The following LRRC4C variants were observed in gnomAD, a reference collection of about 807,000 sequenced individuals.
LRRC4C encodes leucine-rich repeat-containing protein 4C.
LRRC4C carries 5 observed loss-of-function variants against 33.6 expected under a neutral mutation model. The observed-to-expected ratio is 0.15, with a 90% CI of 0.08 to 0.31. The LOEUF is 0.31. Among genes scored for constraint, LRRC4C ranks in the 10% least tolerant of loss-of-function variants. The pLI is 1.00. For synonymous variants in LRRC4C, 329 were observed against 302.0 expected, an observed-to-expected ratio of 1.09 and a Z score of -0.93; for missense variants, 560 against 796.7, an observed-to-expected ratio of 0.70 and a Z score of 3.58.
chr11:40,723,915 A>T (rs561512084), intron 2 of LRRC4C, among the ~76,000 whole-genome samples: 1 of 152,300 alleles, frequency 6.6e-6, no homozygotes, highest in Non-Finnish European at 1.5e-5. Flanking sequence ...ATGGAGAAAT[A>T]TCTACAATGC....
intron 2 of LRRC4C, among the ~76,000 whole-genome samples, chr11:40,748,405 C>T (rs1368716648): frequency 6.6e-6 from 1 of 151,952 alleles, no homozygotes; most frequent in East Asian, 1.9e-4. Context: ...AAGAAAGGCT[C>T]AAGGGAGTAA....
intron 3 of LRRC4C, among the ~76,000 whole-genome samples, chr11:40,609,085 C>T (rs558583270): frequency 6.6e-5 from 10 of 152,136 alleles, no homozygotes; most frequent in African/African-American, 2.4e-4. Context: ...TAGACATATA[C>T]AAAACATTCC....
intron 1 of LRRC4C, among the ~76,000 whole-genome samples, chr11:41,363,576 T>C (rs1288458796): frequency 6.6e-6 from 1 of 152,208 alleles, no homozygotes; most frequent in African/African-American, 2.4e-5. Context: ...GATTTACTGT[T>C]ATAGGAATTT....
intron 2 of LRRC4C, among the ~76,000 whole-genome samples, chr11:40,670,544 C>A (rs1160455018): frequency 1.3e-5 from 2 of 152,072 alleles, no homozygotes; most frequent in African/African-American, 4.8e-5. Flanking sequence ...TTCCCATTTC[C>A]TGAAGGATAA....
intron 1 of LRRC4C, among the ~76,000 whole-genome samples, chr11:41,360,147 C>A (rs1229500080): frequency 6.6e-6 from 1 of 152,146 alleles, no homozygotes; most frequent in Non-Finnish European, 1.5e-5. Context: ...CGCGCCACTG[C>A]ACTCCAGCCT....
chr11:41,267,272 C>A (rs563808161), intron 1 of LRRC4C, among the ~76,000 whole-genome samples: 1 of 152,202 alleles, frequency 6.6e-6, no homozygotes, highest in African/African-American at 2.4e-5. Flanking sequence ...AGCTACCATA[C>A]CCACAAGTTT....
intron 6 of LRRC4C, among the ~76,000 whole-genome samples, chr11:40,122,068 A>C (rs902477779): frequency 6.6e-6 from 1 of 152,018 alleles, no homozygotes; most frequent in African/African-American, 2.4e-5. Flanking sequence ...ACTTCCCCCA[A>C]AGTTCTATCC....
At chr11:40,472,717 C>G (rs1953005690) in intron 3 of LRRC4C, among the ~76,000 whole-genome samples, 1 of 151,594 alleles carries the variant, frequency 6.6e-6, no homozygotes, top group Non-Finnish European at 1.5e-5. Context: ...TAGCCAGACT[C>G]ATAAAGAAGA....
At chr11:40,136,297 C>A (rs148697413) in intron 6 of LRRC4C, among the ~76,000 whole-genome samples, 1 of 152,026 alleles carries the variant, frequency 6.6e-6, no homozygotes, top group African/African-American at 2.4e-5. Flanking sequence ...ATGGAGTCTT[C>A]GCTCTGTCGC....
intron 1 of LRRC4C, among the ~76,000 whole-genome samples, chr11:41,291,540 G>A (rs940129449): frequency 6.6e-6 from 1 of 152,044 alleles, no homozygotes. Context: ...TTTGGAGCTG[G>A]TCCTAACAAT....
At chr11:41,101,445 A>T (rs1941176394) in intron 1 of LRRC4C, among the ~76,000 whole-genome samples, 1 of 152,194 alleles carries the variant, frequency 6.6e-6, no homozygotes, top group African/African-American at 2.4e-5. Context: ...AACCACAATG[A>T]GATACCAGCT....
At chr11:40,434,824 T>C (rs776143603) in intron 3 of LRRC4C, among the ~76,000 whole-genome samples, 17 of 152,146 alleles carry the variant, frequency 1.1e-4, no homozygotes, top group Admixed American at 4.6e-4. Flanking sequence ...AAATAAATGT[T>C]TTATTTTGCC....
chr11:41,170,772 A>G (rs1241981885), intron 1 of LRRC4C, among the ~76,000 whole-genome samples: 1 of 152,208 alleles, frequency 6.6e-6, no homozygotes, highest in Non-Finnish European at 1.5e-5. Context: ...AATTAAACTA[A>G]AGAGCTCTGC....
intron 1 of LRRC4C, among the ~76,000 whole-genome samples, chr11:41,269,663 G>A (rs908633963): frequency 7.2e-5 from 11 of 152,030 alleles, no homozygotes; most frequent in African/African-American, 2.2e-4. Flanking sequence ...ACTGACACAC[G>A]CTGATTTTCC....
At chr11:40,689,397 C>T (rs572373349) in intron 2 of LRRC4C, among the ~76,000 whole-genome samples, 1 of 151,984 alleles carries the variant, frequency 6.6e-6, no homozygotes, top group Non-Finnish European at 1.5e-5. Context: ...ACCCTACATG[C>T]TTCACAAGTT....
chr11:40,205,425 C>A (rs1017718681), intron 5 of LRRC4C, among the ~76,000 whole-genome samples: 2 of 152,052 alleles, frequency 1.3e-5, no homozygotes, highest in Non-Finnish European at 2.9e-5. Context: ...CTCATTAAAA[C>A]CCTCAAGAAA....
At chr11:40,246,863 C>T (rs896379191) in intron 4 of LRRC4C, among the ~76,000 whole-genome samples, 1 of 152,058 alleles carries the variant, frequency 6.6e-6, no homozygotes, top group Non-Finnish European at 1.5e-5. Context: ...TATTGATGCT[C>T]ATAGGAAGAA....
chr11:40,428,597 C>T (rs1950801692), intron 3 of LRRC4C, among the ~76,000 whole-genome samples: 1 of 152,162 alleles, frequency 6.6e-6, no homozygotes, highest in African/African-American at 2.4e-5. Flanking sequence ...AATTGAGAAA[C>T]ATATCTCTTG....
chr11:41,392,737 T>G (rs1260177428), intron 1 of LRRC4C, among the ~76,000 whole-genome samples: 1 of 87,982 alleles, frequency 1.1e-5, no homozygotes, highest in Non-Finnish European at 3.2e-5. Context: ...AAGAAAGACA[T>G]GTGATAATGA....
Sources: gnomAD v4.1 joint callset for allele counts (sites outside exome capture counted in the v4.1 genomes callset) on GRCh38, gnomAD v4.1.1 for gene constraint, MANE v1.5 for transcripts, NCBI Gene and HGNC (gene_info 2026-07-23, HGNC 2026-07-21) for gene names.